NSD2: variants seen among roughly 807,000 people sequenced by gnomAD.
The protein encoded by NSD2 is nuclear receptor binding SET domain protein 2.
In NSD2, 12 loss-of-function variants were observed where a neutral mutation model predicts 139.0. The ratio of observed to expected loss-of-function variants is 0.09; its 90% CI spans 0.06 to 0.14. NSD2 has a LOEUF of 0.14. Among genes scored for constraint, NSD2 ranks in the 10% least tolerant of loss-of-function variants. The pLI is 1.00. For missense variants in NSD2, 1,155 were observed against 1,745.0 expected (o/e 0.66, Z 6.02); for synonymous variants, 669 against 648.7 (o/e 1.03, Z -0.48).
Position 1,979,969 on chromosome 4 carries a change from G to C in NSD2, c.*1060G>C, listed in dbSNP as rs1043264606. 8.6e-6 allele frequency: 2 copies of C among 232,426 alleles called. No homozygotes were observed. Among genetic ancestry groups the C allele is most frequent in the East Asian group, 1.2e-4 (2 of 16,492 alleles). The allele number at this position is 232,426 out of a possible 1,614,324, so 14.4% of individuals were successfully genotyped here. On this transcript the variant is annotated 3_prime_UTR_variant, in exon 22 of 22. Transcript: ENST00000508803. ...CCAGCACGTGGGTCTAAAGAGAGAC[G>C]GAGTCTAGCTCTCCTGCCACCCAGA... is the stretch of plus-strand genomic sequence containing the variant.
chr4:1,930,616 G>T lies in NSD2; in HGVS notation c.1411-10G>T, dbSNP rs767063335. 17 of 1,590,922 alleles carry T rather than the reference G, an allele frequency of 1.1e-5. No homozygotes were observed. The highest frequency in any genetic ancestry group is 1.5e-5 in the Non-Finnish European group (17 of 1,167,860). On this transcript the variant is annotated splice_polypyrimidine_tract_variant and intron_variant, in intron 5 of 21. Transcript: ENST00000508803. ...TTAACTTCTCATTGCACCTTCTCCC[G>T]TTCCCACAGGTGGTAGCTGAGCACC...
chr4:1,973,309 T>C lies in NSD2; in HGVS notation c.3373-1554T>C, dbSNP rs968469268. Among the ~76,000 whole-genome samples, 2 of 152,136 alleles carry C rather than the reference T, an allele frequency of 1.3e-5. No homozygotes were observed. Among genetic ancestry groups the C allele is most frequent in the African/African-American group, 2.4e-5 (1 of 41,424 alleles). Reference sequence around the variant, plus strand: ...GGCCCCGCTGGTAATGGTAGGAATGTAGGTTAGACACGGTGCTGCCAGGCG... The same window carrying C: ...GGCCCCGCTGGTAATGGTAGGAATGCAGGTTAGACACGGTGCTGCCAGGCG... On this transcript the variant is annotated intron_variant, in intron 18 of 21. Transcript: ENST00000508803. The surrounding 1 kb of genome is among the most constrained non-coding windows in gnomAD (Gnocchi z 5.5).
intron 5 of NSD2, 97 bp downstream of exon 5, chr4:1,918,720 T>G: frequency 6.8e-7 from 1 of 1,481,436 alleles, no homozygotes; most frequent in Non-Finnish European, 9.1e-7. Flanking sequence ...ATCAGGAGAC[T>G]CTAACATGAG....
At chr4:1,929,090 G>C (rs1429516227) in intron 5 of NSD2, among the ~76,000 whole-genome samples, 2 of 152,222 alleles carry the variant, frequency 1.3e-5, no homozygotes, top group East Asian at 3.9e-4. Context: ...TTAGGCTGGG[G>C]GTGTCTGCAG....
intron 2 of NSD2, among the ~76,000 whole-genome samples, chr4:1,902,541 G>C (rs962838907): frequency 1.3e-5 from 2 of 152,050 alleles, no homozygotes; most frequent in African/African-American, 2.4e-5. Flanking sequence ...ATTTTTTGAA[G>C]TGCCCACAGC....
chr4:1,914,654 C>T (rs548597293), intron 3 of NSD2, among the ~76,000 whole-genome samples: 22 of 152,212 alleles, frequency 1.4e-4, no homozygotes, highest in African/African-American at 4.1e-4. Flanking sequence ...TATCTTCACA[C>T]TTGATTGATG....
intron 7 of NSD2, among the ~76,000 whole-genome samples, chr4:1,936,935 C>A (rs1722472416): frequency 6.6e-6 from 1 of 152,168 alleles, no homozygotes; most frequent in South Asian, 2.1e-4. Context: ...GGGGCACCTG[C>A]CATAGGTGAG....
intron 1 of NSD2, among the ~76,000 whole-genome samples, chr4:1,899,640 A>G (rs1436046574): frequency 6.6e-6 from 1 of 152,034 alleles, no homozygotes; most frequent in African/African-American, 2.4e-5. Context: ...GCGGGTGCCT[A>G]CCTGTTTCTT....
rs1723827190 is a variant in NSD2 at position 1,948,128 on chromosome 4, G to A, written c.1882-2944G>A. The A allele has an allele frequency of 2.8e-6, 3 of 1,061,002 alleles. No homozygotes were observed. The African/African-American group carries it at 4.9e-5, about 17-fold the overall frequency. 65.7% of individuals were successfully genotyped at this position (1,061,002 alleles called of 1,614,324 possible). On this transcript the variant is annotated intron_variant, in intron 9 of 21. Transcript: ENST00000508803. This position sits in a 1 kb window ranked among gnomAD's most constrained non-coding sequence, Gnocchi z 4.5. ...GGTACTATCTTATTCTGAGTAGAGA[G>A]TGGAGAAAGTATTTTCAGACTGAAG...
chr4:1,941,155 C>T, intron 9 of NSD2: 1 of 1,053,990 alleles, frequency 9.5e-7, no homozygotes, highest in South Asian at 4.6e-5. Flanking sequence ...TCTTTCTTGT[C>T]CAAGTTCAGG....
rs772150093 is a variant in NSD2, at chr4:1,980,055, CAT to C, written c.*1147_*1148del. 7.7e-4 allele frequency: 179 copies of C among 233,222 alleles called. 2 individuals are homozygous for C. The highest frequency in any genetic ancestry group is 3.8e-3 in the Middle Eastern group (3 of 786). The allele number at this position is 233,222 out of a possible 1,614,324, so 14.4% of individuals were successfully genotyped here. ...TGGAAGATGCAGTCTCTGCTGATCA[CAT>C]GTGCCCTCTGCCAGGGCACCTACTG... On this transcript the variant is annotated 3_prime_UTR_variant, in exon 22 of 22. Coordinates refer to ENST00000508803, the MANE Select transcript of NSD2 (RefSeq NM_001042424.3).
chr4:1,908,947 C>T (rs1267606777), intron 3 of NSD2, among the ~76,000 whole-genome samples: 2 of 152,032 alleles, frequency 1.3e-5, no homozygotes, highest in African/African-American at 4.8e-5. Context: ...CATACCTGTC[C>T]CCAGCAGCCA....
intron 3 of NSD2, chr4:1,912,323 TC>T (rs1328451149): frequency 6.2e-6 from 1 of 162,424 alleles, no homozygotes; most frequent in Admixed American, 6.3e-5. Flanking sequence ...TCTATTTCTT[TC>T]CCCCCATTCT....
At position 1,901,270 on chromosome 4, in the gene NSD2, G is replaced by T. The variant is rs755316607; in HGVS notation, c.597+19G>T. The stretch of plus-strand genomic sequence containing the variant: ...TAAAAAGGTATTTAGGAGACGTTGT[G>T]TAAGGGGTCATGTGACCTTGAGCAG... On this transcript the variant is annotated intron_variant, in intron 2 of 21. Transcript: ENST00000508803. The T allele has an allele frequency of 1.9e-6, 3 of 1,542,466 alleles. No individual in the cohort carries two copies. The South Asian group carries it at 3.9e-5, about 20-fold the overall frequency.
At chr4:1,903,219 A>G (rs1467304419) in intron 2 of NSD2, among the ~76,000 whole-genome samples, 1 of 150,198 alleles carries the variant, frequency 6.7e-6, no homozygotes, top group Non-Finnish European at 1.5e-5. Context: ...CAATTTACTC[A>G]TGTGTATAGT....
chr4:1,940,078 T>C (rs1722930275), intron 9 of NSD2: 1 of 1,256,074 alleles, frequency 8.0e-7, no homozygotes, highest in Non-Finnish European at 1.0e-6. Context: ...TGTTGTGTTC[T>C]GTGTAGCCCT....
At chr4:1,938,987 T>C (rs1410203398) in intron 8 of NSD2, among the ~76,000 whole-genome samples, 2 of 152,156 alleles carry the variant, frequency 1.3e-5, no homozygotes, top group African/African-American at 4.8e-5. Context: ...TGAAAAATAA[T>C]TGTCAAAAAA....
At chr4:1,916,187 T>A (rs1719368154) in intron 3 of NSD2, among the ~76,000 whole-genome samples, 1 of 152,062 alleles carries the variant, frequency 6.6e-6, no homozygotes. Flanking sequence ...AGGGCTGGGA[T>A]TTGAACCCAG....
intron 1 of NSD2, among the ~76,000 whole-genome samples, chr4:1,880,245 A>G (rs1425706887): frequency 2.6e-5 from 4 of 152,096 alleles, no homozygotes; most frequent in African/African-American, 4.8e-5. Flanking sequence ...ACAGCAGGAA[A>G]TTGAATCCCA....
Sources: gnomAD v4.1 joint callset for allele counts (sites outside exome capture counted in the v4.1 genomes callset) on GRCh38, gnomAD v4.1.1 for gene constraint, Gnocchi (gnomAD v3.1) non-coding constraint, MANE v1.5 for transcripts, NCBI Gene and HGNC (gene_info 2026-07-23, HGNC 2026-07-21) for gene names.